Variants in PTPRT observed in about 807,000 individuals in gnomAD.
PTPRT encodes protein tyrosine phosphatase receptor type T.
In PTPRT, 56 loss-of-function variants were observed where a neutral mutation model predicts 176.8. That is an observed-to-expected ratio of 0.32 (90% confidence interval 0.26 to 0.40). PTPRT has a LOEUF of 0.40. Ranked by LOEUF, PTPRT falls within the 10% of genes least tolerant of loss-of-function variation. PTPRT has a pLI of 1.00. For missense variants in PTPRT, 1,540 were observed against 1,908.2 expected, an observed-to-expected ratio of 0.81 and a Z score of 3.60; for synonymous variants, 783 against 739.0, an observed-to-expected ratio of 1.06 and a Z score of -0.96.
intron 26 of PTPRT, among the ~76,000 whole-genome samples, chr20:42,098,966 A>C (rs1985586651): frequency 6.6e-6 from 1 of 152,188 alleles, no homozygotes; most frequent in African/African-American, 2.4e-5. Context: ...CCTGAGGCCG[A>C]GATTCTCCCA....
At chr20:42,864,691 A>G (rs1433983257) in intron 2 of PTPRT, among the ~76,000 whole-genome samples, 1 of 152,198 alleles carries the variant, frequency 6.6e-6, no homozygotes, top group Non-Finnish European at 1.5e-5. Flanking sequence ...GAACGTGTAT[A>G]TGCCTCTGGA....
chr20:42,757,595 G>A (rs2076854050), intron 5 of PTPRT, among the ~76,000 whole-genome samples: 1 of 152,148 alleles, frequency 6.6e-6, no homozygotes, highest in Admixed American at 6.5e-5. Flanking sequence ...CACCATCTCT[G>A]GAATCTTATC....
chr20:42,485,329 G>A (rs1459246385), intron 7 of PTPRT, among the ~76,000 whole-genome samples: 1 of 152,116 alleles, frequency 6.6e-6, no homozygotes, highest in Non-Finnish European at 1.5e-5. Context: ...AAGAAGAAAA[G>A]CTGGAGAAAG....
At chr20:42,829,324 T>C (rs2078050205) in intron 2 of PTPRT, among the ~76,000 whole-genome samples, 1 of 152,218 alleles carries the variant, frequency 6.6e-6, no homozygotes. Context: ...AATTTACTTT[T>C]GATTTTACAG....
chr20:42,194,444 T>A (rs1991119653), intron 16 of PTPRT, among the ~76,000 whole-genome samples: 2 of 152,204 alleles, frequency 1.3e-5, no homozygotes, highest in African/African-American at 4.8e-5. Context: ...GGCAAGTTAA[T>A]CTGTCAAATG....
intron 2 of PTPRT, among the ~76,000 whole-genome samples, chr20:42,817,325 G>A (rs1287422238): frequency 2.0e-5 from 3 of 148,890 alleles, no homozygotes; most frequent in Non-Finnish European, 4.4e-5. Flanking sequence ...TTTTAAACAT[G>A]AACCCTTCTG....
rs114041700 is a variant in PTPRT, at chr20:42,435,321, T to C, written c.1560+12899A>G. Reference sequence around the variant, plus strand: ...CATGTTATCCAAAAATGGGAAGCAATGGTAGAGACAGTGGTGAGTGGGCAA... The same window carrying C: ...CATGTTATCCAAAAATGGGAAGCAACGGTAGAGACAGTGGTGAGTGGGCAA... On this transcript the variant is annotated intron_variant, in intron 9 of 30. Transcript: ENST00000373187. 4.4e-3 allele frequency among the ~76,000 whole-genome samples: 677 copies of C among 152,296 alleles called. 5 individuals are homozygous for C. Among genetic ancestry groups the C allele is most frequent in the African/African-American group, 0.016 (652 of 41,568 alleles).
intron 7 of PTPRT, among the ~76,000 whole-genome samples, chr20:42,673,067 C>T (rs140273254): frequency 6.0e-4 from 92 of 152,336 alleles, no homozygotes; most frequent in African/African-American, 2.1e-3. Context: ...AACCTCCTTA[C>T]TACCCAATGC....
At chr20:43,063,078 C>T (rs1369589301) in intron 1 of PTPRT, among the ~76,000 whole-genome samples, 6 of 151,916 alleles carry the variant, frequency 3.9e-5, no homozygotes, top group African/African-American at 1.5e-4. Flanking sequence ...AATAATTTAT[C>T]CAAAGCTCAA....
At chr20:42,119,907 A>T in intron 20 of PTPRT, 28 bp downstream of exon 20, 1 of 1,597,934 alleles carries the variant, frequency 6.3e-7, no homozygotes, top group Non-Finnish European at 8.6e-7. Flanking sequence ...AGCCTCTCTG[A>T]GGCACTAGGT....
rs182637437 is a variant in PTPRT, at chr20:43,108,204, T to A, written c.88+81442A>T. ...GGCATACCTCTTAACTGGCCTGGCATCTTCTGTTTTCCACCTCTTGGAACT... is the reference window on the plus strand; with the variant it reads ...GGCATACCTCTTAACTGGCCTGGCAACTTCTGTTTTCCACCTCTTGGAACT... On this transcript the variant is annotated intron_variant, in intron 1 of 30. Transcript: ENST00000373187. Among the ~76,000 whole-genome samples, 7 of 152,256 alleles carry A rather than the reference T, an allele frequency of 4.6e-5. No individual in the cohort carries two copies. The East Asian group carries it at 1.2e-3, about 25-fold the overall frequency.
At chr20:42,263,778 C>A (rs968089198) in intron 13 of PTPRT, among the ~76,000 whole-genome samples, 1 of 151,766 alleles carries the variant, frequency 6.6e-6, no homozygotes, top group Non-Finnish European at 1.5e-5. Flanking sequence ...ACTGACTCAG[C>A]CTCCCAAAGT....
At chr20:43,183,952 G>A (rs912742779) in intron 1 of PTPRT, among the ~76,000 whole-genome samples, 2 of 152,176 alleles carry the variant, frequency 1.3e-5, no homozygotes, top group African/African-American at 4.8e-5. Context: ...GAATAATGCT[G>A]CTACAAACAT....
intron 8 of PTPRT, among the ~76,000 whole-genome samples, chr20:42,457,794 C>T (rs1200310767): frequency 6.6e-6 from 1 of 152,120 alleles, no homozygotes; most frequent in African/African-American, 2.4e-5. Context: ...AGTTAGTTAC[C>T]ACAGACACTA....
At chr20:42,572,579 C>G (rs1019342791) in intron 7 of PTPRT, among the ~76,000 whole-genome samples, 1 of 152,312 alleles carries the variant, frequency 6.6e-6, no homozygotes, top group South Asian at 2.1e-4. Flanking sequence ...ATAAAATGCA[C>G]CTTTCTCAGG....
At chr20:43,088,852 T>C (rs1437826694) in intron 1 of PTPRT, among the ~76,000 whole-genome samples, 1 of 152,146 alleles carries the variant, frequency 6.6e-6, no homozygotes, top group East Asian at 1.9e-4. Context: ...TCACTCTGAA[T>C]CTGTCGTGAT....
chr20:42,639,233 T>A (rs561988072), intron 7 of PTPRT, among the ~76,000 whole-genome samples: 36 of 152,102 alleles, frequency 2.4e-4, no homozygotes, highest in African/African-American at 6.3e-4. Flanking sequence ...CATTTTTTTT[T>A]AAATAAGCTA....
At chr20:42,684,136 T>A (rs957651874) in intron 6 of PTPRT, among the ~76,000 whole-genome samples, 1 of 152,152 alleles carries the variant, frequency 6.6e-6, no homozygotes, top group African/African-American at 2.4e-5. Flanking sequence ...GAGGATCACT[T>A]GAGGTCAGGA....
At chr20:42,778,170 G>T (rs1257483705) in intron 4 of PTPRT, among the ~76,000 whole-genome samples, 1 of 152,168 alleles carries the variant, frequency 6.6e-6, no homozygotes, top group Admixed American at 6.5e-5. Context: ...GAGACTTTGG[G>T]GGGTGGAAAG....
Sources: gnomAD v4.1 joint callset for allele counts (sites outside exome capture counted in the v4.1 genomes callset) on GRCh38, gnomAD v4.1.1 for gene constraint, MANE v1.5 for transcripts, NCBI Gene and HGNC (gene_info 2026-07-23, HGNC 2026-07-21) for gene names.